Variants in PRKDC observed in about 807,000 individuals in gnomAD.
PRKDC encodes protein kinase, DNA-activated, catalytic subunit, also known as DNA-dependent protein kinase catalytic subunit.
A neutral mutation model predicts 486.9 loss-of-function variants in PRKDC; 82 were observed. That is an observed-to-expected ratio of 0.17 (90% CI 0.14 to 0.20). PRKDC has a LOEUF of 0.20. PRKDC is among the 10% of genes least tolerant of loss of function. The pLI is 1.00. For missense variants in PRKDC, 4,504 were observed against 5,038.2 expected (o/e 0.89, Z 3.21); for synonymous variants, 1,895 against 1,837.0 (o/e 1.03, Z -0.81).
In PRKDC at chr8:47,898,409, A is replaced by G. The variant is rs185758716; in HGVS notation, c.3464+61T>C. On this transcript the variant is annotated intron_variant, in intron 29 of 85. Transcript: ENST00000314191. ...ACAGATCCATCCCAGGTTGTCCTTCATTAGCTGTGAATTAGTTTTATGTTG... is the reference window on the plus strand; with the variant it reads ...ACAGATCCATCCCAGGTTGTCCTTCGTTAGCTGTGAATTAGTTTTATGTTG... The G allele has an allele frequency of 6.8e-6, 9 of 1,329,712 alleles. No homozygotes were observed. The African/African-American group carries it at 1.3e-4, about 19-fold the overall frequency. The allele number at this position is 1,329,712 out of a possible 1,614,324, so 82.4% of individuals were successfully genotyped here. A position where few individuals can be genotyped will look rare whatever the true frequency, so the allele number is the denominator to read the frequency against.
chr8:47,821,332 T>C (rs1348176342), intron 65 of PRKDC, among the ~76,000 whole-genome samples: 1 of 152,182 alleles, frequency 6.6e-6, no homozygotes, highest in Non-Finnish European at 1.5e-5. Flanking sequence ...CTTCTTGTAA[T>C]ATAAGAGACA....
intron 74 of PRKDC, among the ~76,000 whole-genome samples, chr8:47,789,621 C>T (rs999770871): frequency 6.6e-6 from 1 of 152,050 alleles, no homozygotes; most frequent in African/African-American, 2.4e-5. Flanking sequence ...AAACTACAGG[C>T]CAATATCCCT....
Position 47,791,932 on chromosome 8 carries a change from T to G in PRKDC, c.10670+2358A>C, listed in dbSNP as rs534694805. 6.6e-5 allele frequency among the ~76,000 whole-genome samples: 10 copies of G among 152,312 alleles called. No homozygotes were observed. In the East Asian group the frequency reaches 1.7e-3, roughly 26 times the overall value. Reference sequence around the variant, plus strand: ...AGCACTATTCACAACGGCCAAAATTTGGAAGCAACCTAAGTGTCCATCAAC... The same window carrying G: ...AGCACTATTCACAACGGCCAAAATTGGGAAGCAACCTAAGTGTCCATCAAC... On this transcript the variant is annotated intron_variant, in intron 74 of 85. Transcript: ENST00000314191.
chr8:47,837,816 A>C (rs1305941057), intron 56 of PRKDC, among the ~76,000 whole-genome samples: 1 of 152,190 alleles, frequency 6.6e-6, no homozygotes, highest in African/African-American at 2.4e-5. Context: ...ACTGCCATAA[A>C]ATACTCAAAA....
At chr8:47,851,077 C>T (rs1443803379) in intron 52 of PRKDC, among the ~76,000 whole-genome samples, 3 of 152,142 alleles carry the variant, frequency 2.0e-5, no homozygotes, top group East Asian at 1.9e-4. Context: ...CCCAAAGTGC[C>T]GGGATTATAG....
Position 47,935,745 on chromosome 8 carries a change from G to A in PRKDC, c.1434C>T (p.Cys478=). Residue 478 remains cysteine, a synonymous_variant, in exon 13 of 86, where the codon TGC becomes TGT. Coordinates refer to ENST00000314191, the MANE Select transcript of PRKDC (RefSeq NM_006904.7). ...TTGCAAACTTACCCACAGTACTAAT[G>A]CAATTCCTGAGAACTGGCCCTTTTG... ...LAAKGPVLRN[C]ISTVVHQGLI... 6.2e-7 allele frequency: 1 copy of A among 1,613,706 alleles called. No homozygotes were observed. Among genetic ancestry groups the A allele is most frequent in the Non-Finnish European group, 8.5e-7 (1 of 1,179,796 alleles).
At chr8:47,801,260 T>C (rs1320001580) in intron 70 of PRKDC, among the ~76,000 whole-genome samples, 1 of 152,072 alleles carries the variant, frequency 6.6e-6, no homozygotes, top group Non-Finnish European at 1.5e-5. Context: ...TTGGTAGAGA[T>C]GGGGTTTCGC....
chr8:47,932,218 G>A lies in PRKDC; in HGVS notation c.1776+802C>T, dbSNP rs185061279. On this transcript the variant is annotated intron_variant, in intron 16 of 85. Transcript: ENST00000314191. The stretch of plus-strand genomic sequence containing the variant: ...CCTGCCTCAGCCTCCCGAGCAGCTG[G>A]GACTACAGGCGCCCGCCACCATGCC... Among the ~76,000 whole-genome samples, 1,133 of 152,304 alleles carry A rather than the reference G, an allele frequency of 7.4e-3. 18 individuals are homozygous for A. The highest frequency in any genetic ancestry group is 0.026 in the African/African-American group (1,097 of 41,560).
rs144502026 is a variant in PRKDC at position 47,909,205 on chromosome 8, G to A, written c.2934+3205C>T. Among the ~76,000 whole-genome samples the A allele has an allele frequency of 5.2e-3, 792 of 152,334 alleles. 12 individuals carry two copies. Among genetic ancestry groups the A allele is most frequent in the African/African-American group, 0.018 (764 of 41,568 alleles). ...TTGTGGGAAGTCAGGGACCCCACAC[G>A]GAGGGACCGGTTGGAGCCGAGGCAG... On this transcript the variant is annotated intron_variant, in intron 25 of 85. Transcript: ENST00000314191.
At position 47,830,710 on chromosome 8, in the gene PRKDC, C is replaced by T. The variant is rs750870740; in HGVS notation, c.8292G>A (p.Lys2764=). 6.4e-5 allele frequency: 104 copies of T among 1,613,952 alleles called. No individual in the cohort carries two copies. The South Asian group carries it at 1.0e-3, about 16-fold the overall frequency. Residue 2764 remains lysine, a synonymous_variant, in exon 61 of 86, where the codon AAG becomes AAA. Transcript: ENST00000314191. ...TGTACAGAACGACCTGGGCATCCTG[C>T]TTCATTTTTAACTCACTCTTGATTT... ...EKEIKSELKM[K]QDAQVVLYRS...
chr8:47,833,151 G>GT (rs1288488076), intron 59 of PRKDC, among the ~76,000 whole-genome samples: 1 of 152,206 alleles, frequency 6.6e-6, no homozygotes, highest in Non-Finnish European at 1.5e-5. Context: ...ATGCCAAAAG[G>GT]TGGGCCACAC....
Position 47,849,183 on chromosome 8 carries a change from G to A in PRKDC, c.7251C>T (p.Ser2417=). The stretch of plus-strand genomic sequence containing the variant: ...GTCTCATGACTTGAACGAAGTCCTT[G>A]CTCTTTAACTGGAAGTACAGCTCTG... The part of the protein sequence containing the change: ...GMTELYFQLK[S]KDFVQVMRHR... Residue 2417 remains serine (S), a synonymous_variant, in exon 54 of 86, where the codon AGC becomes AGT. Coordinates refer to ENST00000314191, the MANE Select transcript of PRKDC (RefSeq NM_006904.7). 6.2e-7 allele frequency: 1 copy of A among 1,614,020 alleles called. No homozygotes were observed. The highest frequency in any genetic ancestry group is 8.5e-7 in the Non-Finnish European group (1 of 1,179,892).
At chr8:47,893,095 T>G (rs974680741) in intron 31 of PRKDC, 44 bp downstream of exon 31, 1 of 1,513,904 alleles carries the variant, frequency 6.6e-7, no homozygotes, top group East Asian at 2.4e-5. Context: ...CCAGGGTGAC[T>G]CTGGCAGCAC....
At chr8:47,836,563 C>T in intron 57 of PRKDC, 36 bp from the exon 58 acceptor site, 1 of 1,509,952 alleles carries the variant, frequency 6.6e-7, no homozygotes, top group South Asian at 1.2e-5. Flanking sequence ...AATAAAGTTT[C>T]AAATGAAATA....
At chr8:47,799,170 C>G in intron 72 of PRKDC, 40 bp downstream of exon 72, 16 of 1,608,492 alleles carry the variant, frequency 9.9e-6, no homozygotes, top group Non-Finnish European at 1.4e-5. Flanking sequence ...AGACTTTATG[C>G]TGACATAATG....
rs888260307 is a variant in PRKDC, at chr8:47,918,181, C to G, written c.2526+96G>C. On this transcript the variant is annotated intron_variant, in intron 22 of 85. Coordinates refer to ENST00000314191, the MANE Select transcript of PRKDC (RefSeq NM_006904.7). Reference sequence around the variant, plus strand: ...TTGTACTCTACTTTGTATACAAAAACAACTAACATTTTAAATGAAGATTTT... The same window carrying G: ...TTGTACTCTACTTTGTATACAAAAAGAACTAACATTTTAAATGAAGATTTT... The G allele has an allele frequency of 4.8e-6, 4 of 831,530 alleles. No homozygotes were observed. In the African/African-American group the frequency reaches 5.2e-5, roughly 11 times the overall value. The allele number at this position is 831,530 out of a possible 1,614,324, so 51.5% of individuals were successfully genotyped here. A position where few individuals can be genotyped will look rare whatever the true frequency, so the allele number is the denominator to read the frequency against.
chr8:47,900,509 A>G (rs773226810), intron 27 of PRKDC, 42 bp from the exon 28 acceptor site: 1 of 1,473,292 alleles, frequency 6.8e-7, no homozygotes, highest in Non-Finnish European at 9.3e-7. Flanking sequence ...AGAAAACAAT[A>G]AAGCAGAAAG....
chr8:47,774,884 TC>T (rs2086577227), intron 85 of PRKDC, among the ~76,000 whole-genome samples: 1 of 152,096 alleles, frequency 6.6e-6, no homozygotes, highest in Non-Finnish European at 1.5e-5. Flanking sequence ...TGCCTTGGCC[TC>T]CCAAAGTGCT....
At chr8:47,865,301 A>C (rs1215238069) in intron 40 of PRKDC, among the ~76,000 whole-genome samples, 1 of 151,840 alleles carries the variant, frequency 6.6e-6, no homozygotes, top group African/African-American at 2.4e-5. Context: ...CAGGAGAAAC[A>C]CTTGAACATG....
Sources: allele counts gnomAD v4.1 joint callset (sites outside exome capture counted in the v4.1 genomes callset), GRCh38; gene constraint gnomAD v4.1.1; transcripts MANE v1.5; gene names NCBI Gene and HGNC (gene_info 2026-07-23, HGNC 2026-07-21).